Variants in DSCAM observed in about 807,000 individuals in gnomAD.
The protein encoded by DSCAM is DS cell adhesion molecule.
DSCAM carries 47 observed loss-of-function variants against 217.7 expected under a neutral mutation model. The ratio of observed to expected loss-of-function variants is 0.22; its 90% CI spans 0.17 to 0.28. The LOEUF is 0.28. DSCAM is among the 10% of genes least tolerant of loss of function. The probability of loss-of-function intolerance (pLI) is 1.00; values close to 1 mark genes in which losing one functional copy is unlikely to be tolerated. For missense variants in DSCAM, 2,080 were observed against 2,618.3 expected, an observed-to-expected ratio of 0.79 and a Z score of 4.49; for synonymous variants, 1,056 against 1,015.3, an observed-to-expected ratio of 1.04 and a Z score of -0.76.
rs1163948062 is a variant in DSCAM at position 40,780,411 on chromosome 21, GTGTGTGTGTGTGTATA to G, written c.43+66192_43+66207del. Among the ~76,000 whole-genome samples, 109 of 88,490 alleles carry G rather than the reference GTGTGTGTGTGTGTATA, an allele frequency of 1.2e-3. 1 individual carries two copies. The highest frequency in any genetic ancestry group is 5.9e-3 in the Middle Eastern group (1 of 170). The allele number at this position is 88,490 out of a possible 152,430, so 58.1% of individuals were successfully genotyped here. ...TCCAAATATAAACGTGTGTGTGTGT[GTGTGTGTGTGTGTATA>G]TATATATATATATATATATATCTCC... is the stretch of plus-strand genomic sequence containing the variant. On this transcript the variant is annotated intron_variant, in intron 1 of 32. Coordinates refer to ENST00000400454, the MANE Select transcript of DSCAM (RefSeq NM_001389.5).
chr21:40,838,182 T>G (rs1168605776), intron 1 of DSCAM, among the ~76,000 whole-genome samples: 1 of 152,268 alleles, frequency 6.6e-6, no homozygotes, highest in Non-Finnish European at 1.5e-5. Flanking sequence ...TTTCTACTTG[T>G]CTTTCTCTTA....
intron 3 of DSCAM, among the ~76,000 whole-genome samples, chr21:40,669,216 A>G (rs2090240625): frequency 6.6e-6 from 1 of 152,152 alleles, no homozygotes; most frequent in African/African-American, 2.4e-5. Flanking sequence ...TGTCTTATCT[A>G]TATGATCTGT....
intron 20 of DSCAM, among the ~76,000 whole-genome samples, chr21:40,099,825 A>G (rs1230158957): frequency 2.0e-5 from 3 of 152,146 alleles, no homozygotes; most frequent in Admixed American, 6.5e-5. Context: ...TTCTGTTGAG[A>G]GAGGTCTGTG....
At chr21:40,463,702 T>C (rs947806830) in intron 3 of DSCAM, among the ~76,000 whole-genome samples, 7 of 152,300 alleles carry the variant, frequency 4.6e-5, no homozygotes, top group South Asian at 2.1e-4. Context: ...CCCATCCATG[T>C]GCAGGTCCAG....
At chr21:40,287,210 GCAGTGTGATCA>G (rs2073839653) in intron 10 of DSCAM, among the ~76,000 whole-genome samples, 1 of 146,090 alleles carries the variant, frequency 6.8e-6, no homozygotes, top group South Asian at 2.1e-4. Flanking sequence ...AGTATGATGT[GCAGTGTGATCA>G]CAGTGTGATT....
intron 3 of DSCAM, among the ~76,000 whole-genome samples, chr21:40,407,340 T>A (rs1446220960): frequency 6.6e-6 from 1 of 152,194 alleles, no homozygotes; most frequent in African/African-American, 2.4e-5. Flanking sequence ...AATAAATCAG[T>A]CCTCTCCATG....
chr21:40,128,283 T>C (rs1280213684), intron 19 of DSCAM, among the ~76,000 whole-genome samples: 1 of 150,476 alleles, frequency 6.6e-6, no homozygotes, highest in Non-Finnish European at 1.5e-5. Flanking sequence ...CATTCGTGTC[T>C]GTGTGGTAGG....
chr21:40,398,472 G>C (rs917626161), intron 3 of DSCAM, among the ~76,000 whole-genome samples: 1 of 151,990 alleles, frequency 6.6e-6, no homozygotes, highest in Admixed American at 6.6e-5. Context: ...TAACTTGCTT[G>C]CTGTCACACA....
chr21:40,550,713 T>C (rs897960488), intron 3 of DSCAM, among the ~76,000 whole-genome samples: 3 of 152,178 alleles, frequency 2.0e-5, no homozygotes, highest in Admixed American at 1.3e-4. Context: ...CAGAGTTTAA[T>C]TGAGCAAAGA....
At chr21:40,534,071 A>G (rs2076476136) in intron 3 of DSCAM, among the ~76,000 whole-genome samples, 1 of 152,314 alleles carries the variant, frequency 6.6e-6, no homozygotes, top group South Asian at 2.1e-4. Flanking sequence ...ATAGAAGGTA[A>G]AAGCTAAATA....
chr21:40,759,858 T>C lies in DSCAM; in HGVS notation c.44-51087A>G, dbSNP rs1569022874. Among the ~76,000 whole-genome samples the C allele has an allele frequency of 2.0e-5, 3 of 152,112 alleles. No homozygotes were observed. In the East Asian group the frequency reaches 5.8e-4, roughly 29 times the overall value. On this transcript the variant is annotated intron_variant, in intron 1 of 32. Transcript: ENST00000400454. ...TCTCCATCACTGTCCCAGATGAAAA[T>C]GCAGCCATCGCCCTCCACACATCAA...
At chr21:40,728,032 C>T (rs996942068) in intron 1 of DSCAM, among the ~76,000 whole-genome samples, 67 of 152,260 alleles carry the variant, frequency 4.4e-4, no homozygotes, top group African/African-American at 1.6e-3. Flanking sequence ...GTGCCGTCTC[C>T]CCCTCAGGGA....
chr21:40,324,017 T>C (rs180894256), intron 8 of DSCAM, among the ~76,000 whole-genome samples: 1 of 147,214 alleles, frequency 6.8e-6, no homozygotes, highest in Admixed American at 6.9e-5. Context: ...GGTAGAGAAT[T>C]GCTTGAACCC....
intron 11 of DSCAM, among the ~76,000 whole-genome samples, chr21:40,199,180 A>T (rs1000094270): frequency 2.6e-5 from 4 of 152,182 alleles, no homozygotes; most frequent in African/African-American, 7.2e-5. Context: ...ACTTGCAATC[A>T]ACATCTTCCC....
intron 18 of DSCAM, among the ~76,000 whole-genome samples, chr21:40,136,926 G>C (rs1312918634): frequency 6.6e-6 from 1 of 152,110 alleles, no homozygotes; most frequent in African/African-American, 2.4e-5. Flanking sequence ...TGTAATCCCA[G>C]CACTTCGGGA....
intron 3 of DSCAM, among the ~76,000 whole-genome samples, chr21:40,465,880 TAAAA>T (rs113912367): frequency 6.8e-6 from 1 of 146,274 alleles, no homozygotes; most frequent in Non-Finnish European, 1.5e-5. Flanking sequence ...ACACGTTTGG[TAAAA>T]AAAAAAAAAA....
At chr21:40,338,538 G>T (rs549646961) in intron 7 of DSCAM, among the ~76,000 whole-genome samples, 162 bp from the exon 8 acceptor site, 2 of 152,242 alleles carry the variant, frequency 1.3e-5, no homozygotes, top group African/African-American at 2.4e-5. Flanking sequence ...CTACAACAAA[G>T]GTTTTTCTTT....
intron 3 of DSCAM, among the ~76,000 whole-genome samples, chr21:40,553,521 T>C (rs754789057): frequency 7.2e-5 from 11 of 152,232 alleles, no homozygotes; most frequent in South Asian, 2.1e-4. Context: ...CAATGTATAA[T>C]GTAAGAAAAT....
In DSCAM at chr21:40,378,614, C is replaced by T. The variant is rs1024617188; in HGVS notation, c.509-9369G>A. 7.7e-5 allele frequency among the ~76,000 whole-genome samples: 7 copies of T among 91,084 alleles called. No homozygotes were observed. The East Asian group carries it at 1.8e-3, about 24-fold the overall frequency. 59.8% of individuals were successfully genotyped at this position (91,084 alleles called of 152,430 possible). A position where few individuals can be genotyped will look rare whatever the true frequency, so the allele number is the denominator to read the frequency against. The stretch of plus-strand genomic sequence containing the variant: ...TTTTTTTTTTTTTTTTTTTTTGAGA[C>T]GGAGTCTCGCTCTGTCGCCCAGGCT... On this transcript the variant is annotated intron_variant, in intron 3 of 32. Transcript: ENST00000400454.
Sources: gnomAD v4.1 joint callset for allele counts (sites outside exome capture counted in the v4.1 genomes callset) on GRCh38, gnomAD v4.1.1 for gene constraint, MANE v1.5 for transcripts, NCBI Gene and HGNC (gene_info 2026-07-23, HGNC 2026-07-21) for gene names.